KAZN: variants seen among roughly 807,000 people sequenced by gnomAD.
KAZN encodes the protein kazrin.
In KAZN, 40 loss-of-function variants were observed where a neutral mutation model predicts 87.4. The observed-to-expected ratio is 0.46, with a 90% CI of 0.36 to 0.60. The LOEUF is 0.60. Among genes scored for constraint, KAZN ranks in the 20% least tolerant of loss-of-function variants. The probability of loss-of-function intolerance (pLI) is 0.00; values close to 1 mark genes in which losing one functional copy is unlikely to be tolerated. For synonymous variants in KAZN, 466 were observed against 458.3 expected (o/e 1.02, Z -0.22); for missense variants, 898 against 1,073.9 (o/e 0.84, Z 2.29).
chr1:14,022,272 C>T (rs949532412), intron 1 of KAZN, among the ~76,000 whole-genome samples: 4 of 151,644 alleles, frequency 2.6e-5, no homozygotes, highest in African/African-American at 7.3e-5. Flanking sequence ...GTGTTTATAT[C>T]TAATCTGAGT....
At chr1:14,168,731 C>T (rs1394031824) in intron 1 of KAZN, among the ~76,000 whole-genome samples, 1 of 152,178 alleles carries the variant, frequency 6.6e-6, no homozygotes, top group Non-Finnish European at 1.5e-5. Context: ...ACCAGAGGGC[C>T]ATAGAGCACT....
intron 1 of KAZN, among the ~76,000 whole-genome samples, chr1:14,736,784 G>A (rs1481059495): frequency 1.3e-5 from 2 of 152,160 alleles, no homozygotes; most frequent in Non-Finnish European, 1.5e-5. Flanking sequence ...CATCTGAAGT[G>A]CATTATCCAG....
At chr1:14,256,103 CT>C (rs1034498775) in intron 2 of KAZN, among the ~76,000 whole-genome samples, 5 of 152,290 alleles carry the variant, frequency 3.3e-5, no homozygotes, top group Admixed American at 6.5e-5. Context: ...CCCAGAGCTG[CT>C]TTTTTGCTAA....
At chr1:14,825,976 G>A (rs1646874661) in intron 1 of KAZN, among the ~76,000 whole-genome samples, 1 of 152,224 alleles carries the variant, frequency 6.6e-6, no homozygotes, top group African/African-American at 2.4e-5. Context: ...CTCTGAATTG[G>A]TGGACAGCTG....
intron 1 of KAZN, among the ~76,000 whole-genome samples, chr1:14,745,876 A>G (rs577710326): frequency 6.6e-6 from 1 of 152,200 alleles, no homozygotes; most frequent in Non-Finnish European, 1.5e-5. Flanking sequence ...GACAGTTTTC[A>G]TTTGTCACGA....
intron 2 of KAZN, among the ~76,000 whole-genome samples, chr1:14,318,884 A>G (rs1655840123): frequency 6.6e-6 from 1 of 151,910 alleles, no homozygotes; most frequent in South Asian, 2.1e-4. Context: ...TATATCTCCA[A>G]TATATTTTAT....
chr1:14,417,612 C>G (rs112605647), intron 2 of KAZN, among the ~76,000 whole-genome samples: 2 of 152,106 alleles, frequency 1.3e-5, no homozygotes, highest in Admixed American at 6.5e-5. Flanking sequence ...GGCTACTGTA[C>G]GCACAGGCTG....
chr1:15,052,380 G>C (rs997329932), intron 4 of KAZN, among the ~76,000 whole-genome samples: 1 of 152,132 alleles, frequency 6.6e-6, no homozygotes, highest in Non-Finnish European at 1.5e-5. Flanking sequence ...CAGATCTCAG[G>C]AGACTTATTC....
chr1:15,036,231 T>TGCCTACCTCTCCCCCCAC (rs1672255470), intron 3 of KAZN, among the ~76,000 whole-genome samples: 1 of 100,986 alleles, frequency 9.9e-6, no homozygotes, highest in African/African-American at 4.4e-5. Flanking sequence ...TCTCCCCCCA[T>TGCCTACCTCTCCCCCCAC]CCCCCTCTGC....
At chr1:14,380,441 T>G (rs1661271655) in intron 2 of KAZN, among the ~76,000 whole-genome samples, 1 of 152,176 alleles carries the variant, frequency 6.6e-6, no homozygotes, top group African/African-American at 2.4e-5. Context: ...AGTGCTGTGT[T>G]GAAGAAACTT....
At chr1:15,004,623 G>A (rs888806734) in intron 2 of KAZN, among the ~76,000 whole-genome samples, 3 of 152,198 alleles carry the variant, frequency 2.0e-5, no homozygotes, top group Non-Finnish European at 2.9e-5. Flanking sequence ...TTTGTTTGCC[G>A]TCTTCAAGGA....
At chr1:15,074,891 A>G (rs562349843) in intron 8 of KAZN, among the ~76,000 whole-genome samples, 110 of 152,302 alleles carry the variant, frequency 7.2e-4, no homozygotes, top group Non-Finnish European at 1.4e-3. Context: ...ATATGTATAC[A>G]AGGCTTAGCA....
intron 2 of KAZN, among the ~76,000 whole-genome samples, chr1:14,480,505 C>T (rs1319497127): frequency 4.7e-5 from 7 of 149,940 alleles, no homozygotes; most frequent in East Asian, 1.9e-4. Flanking sequence ...AAGGCCTTTA[C>T]GTTGACAAAA....
chr1:13,994,844 A>T (rs1639434962), intron 1 of KAZN, among the ~76,000 whole-genome samples: 1 of 150,210 alleles, frequency 6.7e-6, no homozygotes, highest in Non-Finnish European at 1.5e-5. Context: ...GCACAAAGGA[A>T]TTCTGGTGGA....
At chr1:14,447,178 G>C (rs1383628281) in intron 2 of KAZN, among the ~76,000 whole-genome samples, 2 of 150,308 alleles carry the variant, frequency 1.3e-5, no homozygotes, top group African/African-American at 4.9e-5. Context: ...AATTCTTCTA[G>C]TTCTCCCTTG....
intron 1 of KAZN, among the ~76,000 whole-genome samples, chr1:14,122,626 C>T (rs1331913079): frequency 1.3e-5 from 2 of 152,154 alleles, no homozygotes; most frequent in East Asian, 1.9e-4. Flanking sequence ...TATTAAGCCA[C>T]AGTAGAAGCA....
chr1:13,936,106 T>TTTTTTTTTTTC (rs1640730023), intron 1 of KAZN, among the ~76,000 whole-genome samples: 1 of 140,058 alleles, frequency 7.1e-6, no homozygotes, highest in African/African-American at 2.6e-5. Flanking sequence ...GTTTTTTTTT[T>TTTTTTTTTTTC]TTTTTGAGAC....
intron 1 of KAZN, among the ~76,000 whole-genome samples, chr1:13,897,260 G>T (rs182583163): frequency 1.7e-4 from 26 of 152,266 alleles, no homozygotes; most frequent in African/African-American, 5.8e-4. Flanking sequence ...TTATTATCTG[G>T]CTCCTTGCAG....
rs548942330 is a variant in KAZN at position 14,728,818 on chromosome 1, T to C, written c.226+129595T>C. On this transcript the variant is annotated intron_variant, in intron 1 of 14. Coordinates refer to ENST00000376030, the MANE Select transcript of KAZN (RefSeq NM_201628.3). ...AGGCCTCCAGACCACAGTGTCCTCA[T>C]CTGTAAAATGGGGGTAGTAGTAATC... is the stretch of plus-strand genomic sequence containing the variant. Among the ~76,000 whole-genome samples, 129 of 152,220 alleles carry C rather than the reference T, an allele frequency of 8.5e-4. 2 individuals are homozygous for C. The highest frequency in any genetic ancestry group is 2.9e-3 in the African/African-American group (120 of 41,524).
Sources: allele counts gnomAD v4.1 joint callset (sites outside exome capture counted in the v4.1 genomes callset), GRCh38; gene constraint gnomAD v4.1.1; transcripts MANE v1.5; gene names NCBI Gene and HGNC (gene_info 2026-07-23, HGNC 2026-07-21).